The following NFASC variants were observed in gnomAD, a reference collection of about 807,000 sequenced individuals.
The protein encoded by NFASC is neurofascin.
NFASC carries 43 observed loss-of-function variants against 147.5 expected under a neutral mutation model. The observed-to-expected ratio is 0.29, with a 90% confidence interval of 0.23 to 0.38. NFASC has a LOEUF of 0.38. NFASC is among the 10% of genes least tolerant of loss of function. NFASC has a pLI of 1.00. For missense variants in NFASC, 1,320 were observed against 1,689.0 expected (o/e 0.78, Z 3.83); for synonymous variants, 622 against 665.5 (o/e 0.93, Z 1.01).
intron 1 of NFASC, among the ~76,000 whole-genome samples, chr1:204,876,996 GTATATATA>G (rs60582969): frequency 0.04 from 2,984 of 74,662 alleles, 80 homozygotes; most frequent in Middle Eastern, 0.065. Context: ...GGCTAAATAT[GTATATATA>G]TATATATATA....
intron 29 of NFASC, among the ~76,000 whole-genome samples, chr1:205,013,970 G>A (rs2151082099): frequency 6.6e-6 from 1 of 152,314 alleles, no homozygotes; most frequent in Admixed American, 6.5e-5. Flanking sequence ...CATCCTGAAA[G>A]GGCAGGCACA....
intron 1 of NFASC, among the ~76,000 whole-genome samples, chr1:204,919,945 A>G (rs1025111961): frequency 1.3e-5 from 2 of 152,200 alleles, no homozygotes; most frequent in African/African-American, 4.8e-5. Context: ...TAATGTTATA[A>G]CAAATGACTA....
intron 1 of NFASC, among the ~76,000 whole-genome samples, chr1:204,919,428 A>G (rs2090017709): frequency 6.6e-6 from 1 of 152,176 alleles, no homozygotes; most frequent in Non-Finnish European, 1.5e-5. Context: ...TCTCTTTCCT[A>G]AATAAATGGT....
intron 1 of NFASC, among the ~76,000 whole-genome samples, chr1:204,914,758 T>G (rs964576380): frequency 3.9e-5 from 6 of 152,222 alleles, no homozygotes; most frequent in Non-Finnish European, 5.9e-5. Flanking sequence ...AAATTGTCAC[T>G]ACATTCATGG....
intron 1 of NFASC, among the ~76,000 whole-genome samples, chr1:204,860,108 C>T (rs770574946): frequency 1.3e-5 from 2 of 152,156 alleles, no homozygotes; most frequent in Non-Finnish European, 2.9e-5. Flanking sequence ...AGGGAAGGGA[C>T]AGCTCCTTCC....
intron 24 of NFASC, among the ~76,000 whole-genome samples, chr1:204,995,347 TG>T (rs1368798314): frequency 6.6e-6 from 1 of 150,468 alleles, no homozygotes; most frequent in Admixed American, 6.6e-5. Flanking sequence ...TGTGTGTGTG[TG>T]TGTGTATGTG....
chr1:204,840,670 A>G (rs1489891333), intron 1 of NFASC, among the ~76,000 whole-genome samples: 1 of 152,222 alleles, frequency 6.6e-6, no homozygotes, highest in Non-Finnish European at 1.5e-5. Flanking sequence ...TAGATCCACC[A>G]TCACCCATGA....
intron 2 of NFASC, among the ~76,000 whole-genome samples, chr1:204,936,198 CTTTTTCTTTTT>C (rs2092820574): frequency 1.4e-5 from 1 of 71,880 alleles, no homozygotes; most frequent in African/African-American, 6.4e-5. Flanking sequence ...CTCTCTCTTT[CTTTTTCTTTTT>C]TTTTTTTTTT....
intron 1 of NFASC, among the ~76,000 whole-genome samples, chr1:204,848,671 C>T (rs903139588): frequency 5.3e-5 from 8 of 152,174 alleles, no homozygotes; most frequent in African/African-American, 1.9e-4. Flanking sequence ...GGAATAGCAA[C>T]CGTTAATATT....
intron 1 of NFASC, among the ~76,000 whole-genome samples, chr1:204,904,762 C>T (rs1327159716): frequency 6.6e-6 from 1 of 152,170 alleles, no homozygotes; most frequent in Admixed American, 6.5e-5. Context: ...AGCTCAGGTG[C>T]ACAGCACTGG....
At chr1:204,971,416 C>T (rs780471305) in intron 11 of NFASC, among the ~76,000 whole-genome samples, 19 of 152,084 alleles carry the variant, frequency 1.2e-4, no homozygotes, top group Non-Finnish European at 2.4e-4. Context: ...AATGTCCTGT[C>T]CTTACTTTCT....
chr1:204,867,171 G>T (rs1388994508), intron 1 of NFASC, among the ~76,000 whole-genome samples: 13 of 152,192 alleles, frequency 8.5e-5, no homozygotes, highest in Admixed American at 8.5e-4. Context: ...CAGAAACAGG[G>T]AGTCCCTGTT....
intron 1 of NFASC, among the ~76,000 whole-genome samples, chr1:204,881,293 C>T (rs1178936102): frequency 6.6e-6 from 1 of 152,192 alleles, no homozygotes; most frequent in Non-Finnish European, 1.5e-5. Flanking sequence ...TGTGCAGAGC[C>T]GCTGGGCATT....
intron 1 of NFASC, among the ~76,000 whole-genome samples, chr1:204,894,512 G>C (rs184385470): frequency 1.3e-5 from 2 of 152,218 alleles, no homozygotes; most frequent in African/African-American, 2.4e-5. Context: ...ATTACAAAGA[G>C]CCTAGATATT....
In NFASC at chr1:204,974,274, A is replaced by C; in HGVS notation, c.1375A>C (p.Ile459Leu). ...RLDCPFFGSP[I>L]PTLRWFKNGQ... ...GGACTGCCCTTTCTTTGGGTCTCCCATCCCCACACTGCGATGGTAAGTTCC... is the reference window on the plus strand; with the variant it reads ...GGACTGCCCTTTCTTTGGGTCTCCCCTCCCCACACTGCGATGGTAAGTTCC... Residue 459 changes from isoleucine to leucine, a missense_variant, in exon 13 of 30, where the codon ATC becomes CTC. Transcript: ENST00000339876. 1 of 1,613,670 alleles carries C rather than the reference A, an allele frequency of 6.2e-7. No individual in the cohort carries two copies. The highest frequency in any genetic ancestry group is 8.5e-7 in the Non-Finnish European group (1 of 1,179,660).
chr1:204,866,181 G>T (rs1025767294), intron 1 of NFASC, among the ~76,000 whole-genome samples: 19 of 152,158 alleles, frequency 1.2e-4, no homozygotes, highest in Admixed American at 1.2e-3. Flanking sequence ...CTCAGGTCCG[G>T]AGGCTGGAGC....
intron 8 of NFASC, among the ~76,000 whole-genome samples, chr1:204,960,882 C>T (rs904173285): frequency 3.9e-5 from 6 of 152,198 alleles, no homozygotes; most frequent in African/African-American, 1.4e-4. Context: ...GAAAATCTTC[C>T]TACCAGGTGG....
intron 8 of NFASC, chr1:204,962,107 G>A: frequency 6.2e-7 from 1 of 1,612,884 alleles, no homozygotes; most frequent in Non-Finnish European, 8.5e-7. Flanking sequence ...GTTTGTTACA[G>A]ACCACCCTTA....
intron 12 of NFASC, among the ~76,000 whole-genome samples, chr1:204,973,866 G>A (rs987772238): frequency 4.6e-5 from 7 of 152,204 alleles, no homozygotes; most frequent in African/African-American, 1.7e-4. Flanking sequence ...GCAGGGAGAT[G>A]GTGGTGGAGG....
Sources: gnomAD v4.1 joint callset for allele counts (sites outside exome capture counted in the v4.1 genomes callset) on GRCh38, gnomAD v4.1.1 for gene constraint, MANE v1.5 for transcripts, NCBI Gene and HGNC (gene_info 2026-07-23, HGNC 2026-07-21) for gene names.